ZNF804B: variants seen among roughly 807,000 people sequenced by gnomAD.
ZNF804B encodes zinc finger 804B.
A neutral mutation model predicts 101.4 loss-of-function variants in ZNF804B; 80 were observed. The ratio of observed to expected loss-of-function variants is 0.79; its 90% CI spans 0.66 to 0.95. The LOEUF is 0.95. Ranked by LOEUF, ZNF804B falls within the 40% of genes least tolerant of loss-of-function variation. The pLI is 0.00. For synonymous variants in ZNF804B, 622 were observed against 558.8 expected (o/e 1.11, Z -1.59); for missense variants, 1,673 against 1,561.9 (o/e 1.07, Z -1.20).
At chr7:89,203,848 T>C (rs1176032858) in intron 1 of ZNF804B, among the ~76,000 whole-genome samples, 2 of 152,216 alleles carry the variant, frequency 1.3e-5, no homozygotes, top group Non-Finnish European at 2.9e-5. Flanking sequence ...TATTTTAATA[T>C]GTCATCTTAG....
chr7:89,067,828 C>CTT lies in ZNF804B; in HGVS notation c.109-150315_109-150314dup, dbSNP rs112256863. Among the ~76,000 whole-genome samples the CTT allele has an allele frequency of 3.0e-3, 404 of 132,792 alleles. 13 individuals are homozygous for CTT. The highest frequency in any genetic ancestry group is 0.01 in the African/African-American group (351 of 35,092). 87.1% of individuals were successfully genotyped at this position (132,792 alleles called of 152,430 possible). On this transcript the variant is annotated intron_variant, in intron 1 of 3. Coordinates refer to ENST00000333190, the MANE Select transcript of ZNF804B (RefSeq NM_181646.5). Reference sequence around the variant, plus strand: ...TATGCTAATTTTTTTCTTTTCTTTTCTTTTTTTTTTTTTGAGACAGAGTCT... The same window carrying CTT: ...TATGCTAATTTTTTTCTTTTCTTTTCTTTTTTTTTTTTTTTGAGACAGAGTCT...
intron 1 of ZNF804B, among the ~76,000 whole-genome samples, chr7:88,804,840 G>T (rs561884462): frequency 6.6e-6 from 1 of 152,034 alleles, no homozygotes; most frequent in Non-Finnish European, 1.5e-5. Flanking sequence ...AGCTGGAGGG[G>T]AACTTGGTAC....
Position 88,759,855 on chromosome 7 carries a change from C to A in ZNF804B, c.-122C>A, listed in dbSNP as rs923943407. 4 of 749,240 alleles carry A rather than the reference C, an allele frequency of 5.3e-6. No homozygotes were observed. Among genetic ancestry groups the A allele is most frequent in the Admixed American group, 4.5e-5 (2 of 44,756 alleles). The allele number at this position is 749,240 out of a possible 1,614,324, so 46.4% of individuals were successfully genotyped here. ...GACGCGCTGCCACCGCCTCCCCCTG[C>A]GTCCTGCTGGCCGCGTCTTCTCGGG... On this transcript the variant is annotated 5_prime_UTR_variant, in exon 1 of 4. Transcript: ENST00000333190.
chr7:89,336,071 T>C lies in ZNF804B; in HGVS notation c.3089T>C (p.Ile1030Thr). The stretch of plus-strand genomic sequence containing the variant: ...TGTGATAACCATCTTTCTAAAGGTA[T>C]AATTCACCTAGTAACAGAGTCTCAG... The part of the protein sequence containing the change: ...TDCDNHLSKG[I>T]IHLVTESQSL... Residue 1030 changes from isoleucine (I) to threonine (T), a missense_variant, in exon 4 of 4, where the codon ATA (isoleucine) becomes ACA (threonine). Transcript: ENST00000333190. The C allele has an allele frequency of 1.2e-6, 2 of 1,614,000 alleles. No homozygotes were observed. The highest frequency in any genetic ancestry group is 2.2e-5 in the South Asian group (2 of 91,088).
At chr7:88,859,618 A>C (rs1050374139) in intron 1 of ZNF804B, among the ~76,000 whole-genome samples, 4 of 152,030 alleles carry the variant, frequency 2.6e-5, no homozygotes, top group Non-Finnish European at 5.9e-5. Context: ...CTGACAACTT[A>C]AATCTAACAA....
At chr7:89,169,252 A>T (rs1334530631) in intron 1 of ZNF804B, among the ~76,000 whole-genome samples, 2 of 152,130 alleles carry the variant, frequency 1.3e-5, no homozygotes, top group African/African-American at 4.8e-5. Context: ...TGAACAGTGT[A>T]CACTTGCAAG....
intron 1 of ZNF804B, among the ~76,000 whole-genome samples, chr7:89,126,007 G>T (rs563622222): frequency 2.2e-4 from 34 of 152,002 alleles, no homozygotes; most frequent in African/African-American, 7.2e-4. Flanking sequence ...TATTACAGAT[G>T]CATCAGTGAT....
At chr7:88,760,688 G>T (rs1322835007) in intron 1 of ZNF804B, among the ~76,000 whole-genome samples, 1 of 151,674 alleles carries the variant, frequency 6.6e-6, no homozygotes, top group African/African-American at 2.4e-5. Flanking sequence ...TGCAATTAAC[G>T]TGATTGCTTT....
intron 2 of ZNF804B, among the ~76,000 whole-genome samples, chr7:89,322,305 G>C (rs2188409): frequency 6.6e-6 from 1 of 152,096 alleles, no homozygotes; most frequent in African/African-American, 2.4e-5. Flanking sequence ...ATAGACCATA[G>C]GCTGAGTCAG....
rs58269518 is a variant in ZNF804B, at chr7:89,260,365, G to A, written c.249+42070G>A. Among the ~76,000 whole-genome samples the A allele has an allele frequency of 8.5e-3, 1,291 of 151,670 alleles. 21 individuals are homozygous for A. Among genetic ancestry groups the A allele is most frequent in the African/African-American group, 0.03 (1,226 of 41,354 alleles). ...TGTGGCACTTTTTTTTTTGAATAAG[G>A]TACTTTTTTCCTTGTTAAAAACCTA... On this transcript the variant is annotated intron_variant, in intron 2 of 3. Transcript: ENST00000333190.
chr7:88,932,533 A>G (rs1792902131), intron 1 of ZNF804B, among the ~76,000 whole-genome samples: 1 of 151,972 alleles, frequency 6.6e-6, no homozygotes, highest in South Asian at 2.1e-4. Flanking sequence ...CAGATGATCC[A>G]AATGAGCTCA....
At position 88,760,080 on chromosome 7, in the gene ZNF804B, C is replaced by T. The variant is rs901539759; in HGVS notation, c.104C>T (p.Ser35Phe). The T allele has an allele frequency of 6.2e-7, 1 of 1,613,660 alleles. No homozygotes were observed. The highest frequency in any genetic ancestry group is 8.5e-7 in the Non-Finnish European group (1 of 1,179,666). Reference sequence around the variant, plus strand: ...CCCCTGTGCAAGAACGGATCTCCCTCTCCGGTAATGTGCGCGCGCACACAC... The same window carrying T: ...CCCCTGTGCAAGAACGGATCTCCCTTTCCGGTAATGTGCGCGCGCACACAC... ...RGPLCKNGSP[S>F]PDFAEKKSTA... The change falls in exon 1 of 4, where the codon TCT (serine) becomes TTT (phenylalanine). Residue 35 changes from serine (S) to phenylalanine (F), a missense_variant. Transcript: ENST00000333190.
At chr7:88,924,057 T>C (rs941686703) in intron 1 of ZNF804B, among the ~76,000 whole-genome samples, 3 of 152,112 alleles carry the variant, frequency 2.0e-5, no homozygotes, top group African/African-American at 7.2e-5. Context: ...CACACCTTTT[T>C]CTCCAGGATA....
Position 89,129,631 on chromosome 7 carries a change from AT to A in ZNF804B, c.109-88521del, listed in dbSNP as rs1364235209. 8.5e-5 allele frequency among the ~76,000 whole-genome samples: 13 copies of A among 152,138 alleles called. No individual in the cohort carries two copies. The East Asian group carries it at 2.1e-3, about 25-fold the overall frequency. ...CCAGGCACTCTGCTAAGACCTCTAAATTTATTAACCCCTCAAATGATTTGAT... is the reference window on the plus strand; with the variant it reads ...CCAGGCACTCTGCTAAGACCTCTAAATTATTAACCCCTCAAATGATTTGAT... On this transcript the variant is annotated intron_variant, in intron 1 of 3. Transcript: ENST00000333190.
chr7:89,138,422 T>G (rs1038184696), intron 1 of ZNF804B, among the ~76,000 whole-genome samples: 5 of 152,168 alleles, frequency 3.3e-5, no homozygotes, highest in Non-Finnish European at 5.9e-5. Flanking sequence ...ACTTGCTTTT[T>G]ATTTACAGGC....
chr7:89,230,733 A>G (rs184646457), intron 2 of ZNF804B, among the ~76,000 whole-genome samples: 1 of 151,734 alleles, frequency 6.6e-6, no homozygotes, highest in Admixed American at 6.6e-5. Flanking sequence ...CATACATCTG[A>G]TTTTCTAAAA....
intron 1 of ZNF804B, among the ~76,000 whole-genome samples, chr7:89,138,183 A>C (rs1790664675): frequency 6.6e-6 from 1 of 152,118 alleles, no homozygotes; most frequent in Non-Finnish European, 1.5e-5. Context: ...AGGGCAGTGC[A>C]GAAGGGAAAT....
chr7:89,244,304 T>C (rs546573239), intron 2 of ZNF804B, among the ~76,000 whole-genome samples: 2 of 152,204 alleles, frequency 1.3e-5, no homozygotes, highest in African/African-American at 4.8e-5. Context: ...ATGATGATTA[T>C]ATATAGATGA....
chr7:88,818,183 A>G (rs1790915448), intron 1 of ZNF804B, among the ~76,000 whole-genome samples: 1 of 152,220 alleles, frequency 6.6e-6, no homozygotes, highest in South Asian at 2.1e-4. Flanking sequence ...GTTTTATTAA[A>G]TGTCCATGAA....
Sources: allele counts gnomAD v4.1 joint callset (sites outside exome capture counted in the v4.1 genomes callset), GRCh38; gene constraint gnomAD v4.1.1; transcripts MANE v1.5; gene names NCBI Gene and HGNC (gene_info 2026-07-23, HGNC 2026-07-21).